The following BNC1 variants were observed in gnomAD, a reference collection of about 807,000 sequenced individuals.
BNC1 encodes the protein zinc finger protein basonuclin-1.
In BNC1, 8 loss-of-function variants were observed where a neutral mutation model predicts 66.5. That is an observed-to-expected ratio of 0.12 (90% CI 0.07 to 0.22). BNC1 has a LOEUF of 0.22. Ranked by LOEUF, BNC1 falls within the 10% of genes least tolerant of loss-of-function variation. The pLI, the probability that BNC1 is intolerant of heterozygous loss-of-function variation, is 1.00. For synonymous variants in BNC1, 454 were observed against 452.6 expected, an observed-to-expected ratio of 1.00 and a Z score of -0.04; for missense variants, 1,069 against 1,241.3, an observed-to-expected ratio of 0.86 and a Z score of 2.09.
At position 83,257,207 on chromosome 15, in the gene BNC1, C is replaced by G; in HGVS notation, c.*235G>C. ...GAAAAATCACATTTCTGCAAGTTTT[C>G]CTTGTATCAGTGAAAGACCTCTTGG... On this transcript the variant is annotated 3_prime_UTR_variant, in exon 5 of 5. Coordinates refer to ENST00000345382, the MANE Select transcript of BNC1 (RefSeq NM_001717.4). 1.8e-6 allele frequency: 1 copy of G among 566,800 alleles called. No homozygotes were observed. The highest frequency in any genetic ancestry group is 3.1e-6 in the Non-Finnish European group (1 of 324,478). The allele number at this position is 566,800 out of a possible 1,614,324, so 35.1% of individuals were successfully genotyped here.
chr15:83,276,657 C>T (rs2038326608), intron 1 of BNC1, among the ~76,000 whole-genome samples: 1 of 152,192 alleles, frequency 6.6e-6, no homozygotes, highest in Non-Finnish European at 1.5e-5. Flanking sequence ...ACTGTAAGAC[C>T]TGTCTGCCTT....
chr15:83,281,309 GTTATC>G (rs1462640276), intron 1 of BNC1, among the ~76,000 whole-genome samples: 4 of 152,146 alleles, frequency 2.6e-5, no homozygotes, highest in African/African-American at 9.7e-5. Context: ...GCAGAATCCA[GTTATC>G]TTTAACATCT....
At chr15:83,284,476 C>T (rs888667223) in intron 1 of BNC1, 54 bp downstream of exon 1, 11 of 1,101,810 alleles carry the variant, frequency 1.0e-5, no homozygotes, top group Middle Eastern at 3.6e-4. Context: ...GCGTCCCGGG[C>T]CGCCTGCTCC....
At position 83,263,204 on chromosome 15, in the gene BNC1, G is replaced by T. The variant is rs759381389; in HGVS notation, c.2047C>A (p.Leu683Ile). The change falls in exon 4 of 5, where the codon CTC becomes ATC. Residue 683 changes from leucine to isoleucine, a missense_variant. This residue lies in a region of BNC1 where 657 missense variants were observed against 715.8 expected (regional missense o/e 0.92). Coordinates refer to ENST00000345382, the MANE Select transcript of BNC1 (RefSeq NM_001717.4). The part of the protein sequence containing the change: ...ELQQRLLAGG[L>I]FSALSNRGMA... ...CCCCTGTTGGACAAAGCACTGAAGA[G>T]TCCCCCAGCCAGCAGGCGCTGCTGC... is the stretch of plus-strand genomic sequence containing the variant. The T allele has an allele frequency of 6.2e-7, 1 of 1,614,202 alleles. No homozygotes were observed. The highest frequency in any genetic ancestry group is 1.1e-5 in the South Asian group (1 of 91,078).
At position 83,266,831 on chromosome 15, in the gene BNC1, T is replaced by C; in HGVS notation, c.435+5A>G. The C allele has an allele frequency of 6.2e-7, 1 of 1,611,744 alleles. No homozygotes were observed. Among genetic ancestry groups the C allele is most frequent in the East Asian group, 2.2e-5 (1 of 44,872 alleles). On this transcript the variant is annotated splice_donor_5th_base_variant and intron_variant, in intron 3 of 4. Coordinates refer to ENST00000345382, the MANE Select transcript of BNC1 (RefSeq NM_001717.4). The stretch of plus-strand genomic sequence containing the variant: ...CTAGGAGGACAATGTTCATGTTTAC[T>C]GTACCTGCAGTACGTATCCACGGAT...
intron 4 of BNC1, among the ~76,000 whole-genome samples, chr15:83,262,373 A>G (rs2038153572): frequency 6.6e-6 from 1 of 152,090 alleles, no homozygotes; most frequent in African/African-American, 2.4e-5. Flanking sequence ...TTCTTATCCC[A>G]CACCCTTGTG....
At position 83,263,332 on chromosome 15, in the gene BNC1, G is replaced by A; in HGVS notation, c.1919C>T (p.Pro640Leu). The change falls in exon 4 of 5, where the codon CCA becomes CTA. Residue 640 changes from proline to leucine, a missense_variant. Coordinates refer to ENST00000345382, the MANE Select transcript of BNC1 (RefSeq NM_001717.4). ...HNSERETEQT[P>L]ALIMVPREVE... ...CTCCCTTGGCACCATGATCAATGCT[G>A]GTGTCTGCTCAGTCTCCCTCTCTGA... The A allele has an allele frequency of 6.2e-7, 1 of 1,614,224 alleles. No individual in the cohort carries two copies. The highest frequency in any genetic ancestry group is 1.3e-5 in the African/African-American group (1 of 75,062).
At chr15:83,282,767 GC>G (rs2038392223) in intron 1 of BNC1, among the ~76,000 whole-genome samples, 1 of 152,180 alleles carries the variant, frequency 6.6e-6, no homozygotes, top group South Asian at 2.1e-4. Flanking sequence ...TTACTGTCAA[GC>G]CAAAATCTTG....
intron 1 of BNC1, among the ~76,000 whole-genome samples, chr15:83,281,472 CTAAGG>C (rs1014966313): frequency 6.6e-6 from 1 of 152,172 alleles, no homozygotes; most frequent in East Asian, 1.9e-4. Context: ...TTTACCTTAG[CTAAGG>C]TATTTTCAGT....
chr15:83,283,985 G>A (rs952941776), intron 1 of BNC1, among the ~76,000 whole-genome samples: 4 of 151,996 alleles, frequency 2.6e-5, no homozygotes, highest in African/African-American at 9.7e-5. Context: ...GCCCGTCTCC[G>A]CAGTTCTCCT....
chr15:83,283,608 C>T (rs1006828211), intron 1 of BNC1, among the ~76,000 whole-genome samples: 5 of 152,232 alleles, frequency 3.3e-5, no homozygotes, highest in African/African-American at 9.6e-5. Context: ...GGCGCAGCCG[C>T]GGGCTCCGCA....
chr15:83,263,302 T>G lies in BNC1; in HGVS notation c.1949A>C (p.Glu650Ala). Residue 650 changes from glutamate (E) to alanine (A), a missense_variant, in exon 4 of 5, where the codon GAG becomes GCG. Glu to Ala is a moderately radical substitution (Grantham distance 107). Coordinates refer to ENST00000345382, the MANE Select transcript of BNC1 (RefSeq NM_001717.4). ...GAAGTAGTGTTCATGGCCACCATCC[T>G]CGACCTCCCTTGGCACCATGATCAA... ...PALIMVPREV[E>A]DGGHEHYFTP... 1 of 1,614,240 alleles carries G rather than the reference T, an allele frequency of 6.2e-7. No homozygotes were observed. The highest frequency in any genetic ancestry group is 8.5e-7 in the Non-Finnish European group (1 of 1,180,042).
chr15:83,275,420 C>T (rs539958446), intron 1 of BNC1, among the ~76,000 whole-genome samples: 1 of 148,024 alleles, frequency 6.8e-6, no homozygotes, highest in East Asian at 2.0e-4. Flanking sequence ...TGCTTGAACC[C>T]GGGAAGTGGA....
Position 83,264,340 on chromosome 15 carries a change from C to T in BNC1, c.911G>A (p.Cys304Tyr). Residue 304 changes from cysteine (C) to tyrosine (Y), a missense_variant, in exon 4 of 5, where the codon TGT becomes TAT. Transcript: ENST00000345382. ...STPFQVEKDQ[C>Y]LNCPDAITKK... ...AGTAATAGCATCCGGACAGTTTAAACACTGATCTTTTTCAACCTGAAATGG... is the reference window on the plus strand; with the variant it reads ...AGTAATAGCATCCGGACAGTTTAAATACTGATCTTTTTCAACCTGAAATGG... 6.2e-7 allele frequency: 1 copy of T among 1,614,100 alleles called. No homozygotes were observed. Among genetic ancestry groups the T allele is most frequent in the Non-Finnish European group, 8.5e-7 (1 of 1,180,020 alleles).
At chr15:83,283,348 C>G (rs956351608) in intron 1 of BNC1, 2 of 1,381,714 alleles carry the variant, frequency 1.4e-6, no homozygotes, top group Non-Finnish European at 1.9e-6. Flanking sequence ...GGCTCCGGGT[C>G]TGGGCGGCGG....
Position 83,264,764 on chromosome 15 carries a change from C to T in BNC1, c.487G>A (p.Glu163Lys), listed in dbSNP as rs2038197466. The T allele has an allele frequency of 6.2e-7, 1 of 1,614,210 alleles. No individual in the cohort carries two copies. Among genetic ancestry groups the T allele is most frequent in the Non-Finnish European group, 8.5e-7 (1 of 1,180,038 alleles). The change falls in exon 4 of 5, where the codon GAA (glutamate) becomes AAA (lysine). Residue 163 changes from glutamate to lysine, a missense_variant. Around this residue, in one of 7 missense-constraint regions of BNC1, gnomAD observed 181 missense variants for 181.5 expected, o/e 1.00. Coordinates refer to ENST00000345382, the MANE Select transcript of BNC1 (RefSeq NM_001717.4). ...AGGAACTGCTGCAAGGTGGCCACTT[C>T]TTCCTCACTGGTCATGATGCTCCAG... ...DHWSIMTSEE[E>K]VATLQQFLRF...
intron 4 of BNC1, among the ~76,000 whole-genome samples, chr15:83,261,804 CTTTA>C (rs1308591007): frequency 6.6e-6 from 1 of 152,198 alleles, no homozygotes; most frequent in African/African-American, 2.4e-5. Flanking sequence ...TGCCAATCAC[CTTTA>C]TTCTTTTATA....
At chr15:83,259,701 A>C (rs2038120498) in intron 4 of BNC1, among the ~76,000 whole-genome samples, 1 of 152,218 alleles carries the variant, frequency 6.6e-6, no homozygotes, top group African/African-American at 2.4e-5. Flanking sequence ...CTTGTAAAGA[A>C]AGGTCCCTAC....
At chr15:83,260,802 C>A (rs1297911480) in intron 4 of BNC1, among the ~76,000 whole-genome samples, 1 of 152,174 alleles carries the variant, frequency 6.6e-6, no homozygotes, top group Non-Finnish European at 1.5e-5. Flanking sequence ...AATGTCCCTA[C>A]AGGAATGTGG....
Sources: allele counts gnomAD v4.1 joint callset (sites outside exome capture counted in the v4.1 genomes callset), GRCh38; gene constraint gnomAD v4.1.1; regional missense constraint gnomAD v4.1.1; transcripts MANE v1.5; gene names NCBI Gene and HGNC (gene_info 2026-07-23, HGNC 2026-07-21).